Variants in CFAP43 observed in about 807,000 individuals in gnomAD.
CFAP43 encodes the protein cilia and flagella associated protein 43.
CFAP43 carries 155 observed loss-of-function variants against 218.9 expected under a neutral mutation model. That is an observed-to-expected ratio of 0.71 (90% CI 0.62 to 0.81). The LOEUF is 0.81. Among genes scored for constraint, CFAP43 ranks in the 30% least tolerant of loss-of-function variants. CFAP43 has a pLI of 0.00. For missense variants in CFAP43, 1,778 were observed against 1,954.3 expected, an observed-to-expected ratio of 0.91 and a Z score of 1.70; for synonymous variants, 645 against 681.3, an observed-to-expected ratio of 0.95 and a Z score of 0.83.
intron 4 of CFAP43, among the ~76,000 whole-genome samples, chr10:104,213,586 AGT>A (rs2134976159): frequency 6.6e-6 from 1 of 151,956 alleles, no homozygotes; most frequent in South Asian, 2.1e-4. Flanking sequence ...CCTAGGCTGG[AGT>A]GTAGTGGCAC....
intron 8 of CFAP43, among the ~76,000 whole-genome samples, chr10:104,202,816 T>A (rs2090570926): frequency 6.8e-6 from 1 of 147,616 alleles, no homozygotes; most frequent in Non-Finnish European, 1.5e-5. Context: ...TAAGTTAGCA[T>A]AGTTTTTTTT....
intron 5 of CFAP43, among the ~76,000 whole-genome samples, chr10:104,210,783 CTTTTTTTTT>C (rs68153454): frequency 2.7e-5 from 2 of 75,460 alleles, no homozygotes; most frequent in African/African-American, 5.8e-5. Context: ...GTGAAACACT[CTTTTTTTTT>C]TTTTTTTTTT....
chr10:104,210,578 A>T (rs2134968310), intron 5 of CFAP43, among the ~76,000 whole-genome samples: 1 of 152,058 alleles, frequency 6.6e-6, no homozygotes, highest in African/African-American at 2.4e-5. Context: ...GAGGGCCAAA[A>T]AAGTGGAGCT....
chr10:104,187,830 T>C (rs1347388590), intron 13 of CFAP43, among the ~76,000 whole-genome samples: 2 of 152,252 alleles, frequency 1.3e-5, no homozygotes, highest in Non-Finnish European at 2.9e-5. Flanking sequence ...TCTATAATTA[T>C]ATATTTGCAA....
At position 104,164,121 on chromosome 10, in the gene CFAP43, C is replaced by T; in HGVS notation, c.3219G>A (p.Glu1073=). Residue 1073 remains glutamate (E), a synonymous_variant, in exon 24 of 38, where the codon GAG becomes GAA. Transcript: ENST00000357060. The part of the protein sequence containing the change: ...QPEFEDCEKP[E]RTLVVQDEEI... ...CCTCATCTTGCACAACAAGCGTTCT[C>T]TCTGGCTTCTCACAGTCTTCAAATT... is the stretch of plus-strand genomic sequence containing the variant. 6.2e-7 allele frequency: 1 copy of T among 1,614,210 alleles called. No homozygotes were observed. Among genetic ancestry groups the T allele is most frequent in the Non-Finnish European group, 8.5e-7 (1 of 1,180,034 alleles).
chr10:104,147,642 A>G (rs574574184), intron 29 of CFAP43, among the ~76,000 whole-genome samples: 6 of 152,344 alleles, frequency 3.9e-5, no homozygotes, highest in Non-Finnish European at 8.8e-5. Flanking sequence ...ACCATGTCAT[A>G]TGAAAGCTAC....
intron 16 of CFAP43, among the ~76,000 whole-genome samples, chr10:104,184,384 T>C (rs2089961017): frequency 6.6e-6 from 1 of 152,136 alleles, no homozygotes; most frequent in African/African-American, 2.4e-5. Flanking sequence ...TTTAAAGTTA[T>C]CTGAGGGTCA....
intron 10 of CFAP43, 141 bp from the exon 11 acceptor site, chr10:104,194,155 C>A: frequency 1.1e-6 from 1 of 874,916 alleles, no homozygotes; most frequent in East Asian, 2.5e-5. Context: ...TCAAATTATA[C>A]CCTCAACGTT....
chr10:104,182,458 T>G lies in CFAP43; in HGVS notation c.2197A>C (p.Ile733Leu), dbSNP rs770451538. The G allele has an allele frequency of 1.6e-5, 26 of 1,612,406 alleles. No individual in the cohort carries two copies. Among genetic ancestry groups the G allele is most frequent in the Middle Eastern group, 1.6e-4 (1 of 6,076 alleles). The change falls in exon 17 of 38, where the codon ATT becomes CTT. Residue 733 changes from isoleucine (I) to leucine (L), a missense_variant. Around this residue, in one of 3 missense-constraint regions of CFAP43, gnomAD observed 1,553 missense variants for 1,685.2 expected, o/e 0.92. Transcript: ENST00000357060. Reference protein sequence around the residue: ...EILDYYQKLLISLSSAMDKEN... With the variant: ...EILDYYQKLLLSLSSAMDKEN... ...TTGTCCATGGCGCTGCTCAGGGAAA[T>G]TAATAGTTTCTGGTAATAGTCCAGA...
Position 104,166,466 on chromosome 10 carries a change from GATAAAAAGAAAATTGACCCACTTTCA to G in CFAP43, c.3035_3039+21del. 1.3e-6 allele frequency: 2 copies of G among 1,579,266 alleles called. No individual in the cohort carries two copies. The highest frequency in any genetic ancestry group is 1.7e-6 in the Non-Finnish European group (2 of 1,156,494). Reference sequence around the variant, plus strand: ...AATGGGGAGTCTAGAGATTTTTCAGGATAAAAAGAAAATTGACCCACTTTCAATAATATAATTTGGTTGATTTTCTC... The same window carrying G: ...AATGGGGAGTCTAGAGATTTTTCAGGATAATATAATTTGGTTGATTTTCTC... On this transcript the variant is annotated splice_donor_variant and splice_donor_5th_base_variant and coding_sequence_variant and intron_variant, in exon 23 of 38. Coordinates refer to ENST00000357060, the MANE Select transcript of CFAP43 (RefSeq NM_025145.7). LOFTEE classifies it high-confidence loss of function.
intron 12 of CFAP43, among the ~76,000 whole-genome samples, chr10:104,191,794 G>C (rs1018585692): frequency 5.4e-5 from 8 of 148,570 alleles, no homozygotes; most frequent in South Asian, 2.1e-4. Context: ...GTGTGTGGGG[G>C]GGGGGAAACA....
At chr10:104,175,088 C>CAAA (rs141434447) in intron 19 of CFAP43, among the ~76,000 whole-genome samples, 74 of 142,988 alleles carry the variant, frequency 5.2e-4, no homozygotes, top group Non-Finnish European at 7.1e-4. Flanking sequence ...AACAAACAAA[C>CAAA]AAAAAAAAAC....
intron 34 of CFAP43, among the ~76,000 whole-genome samples, chr10:104,136,976 A>G (rs2087482864): frequency 6.6e-6 from 1 of 152,218 alleles, no homozygotes; most frequent in Non-Finnish European, 1.5e-5. Context: ...AACAATAACA[A>G]GTTTTGATAG....
intron 6 of CFAP43, among the ~76,000 whole-genome samples, chr10:104,206,791 G>T (rs146658549): frequency 3.7e-4 from 57 of 152,304 alleles, no homozygotes; most frequent in Admixed American, 1.4e-3. Flanking sequence ...GGCTCCTGTG[G>T]CCCAGGCCCA....
intron 3 of CFAP43, among the ~76,000 whole-genome samples, chr10:104,221,001 A>T (rs1215607641): frequency 6.9e-6 from 1 of 145,920 alleles, no homozygotes; most frequent in East Asian, 2.0e-4. Context: ...TTTGAGACGG[A>T]GTCTCGCTCT....
intron 34 of CFAP43, among the ~76,000 whole-genome samples, chr10:104,135,910 A>G (rs2087418416): frequency 6.6e-6 from 1 of 152,180 alleles, no homozygotes; most frequent in South Asian, 2.1e-4. Context: ...AACAATATTG[A>G]AAACAAAAAG....
rs1176093398 is a variant in CFAP43 at position 104,196,505 on chromosome 10, G to A, written c.1293+348C>T. On this transcript the variant is annotated intron_variant, in intron 10 of 37. Transcript: ENST00000357060. ...ACACAGCACAGAGGAAGTATTCTTT[G>A]GTGGAACCCCCATCAGCCTGGCTCC... 3.3e-5 allele frequency among the ~76,000 whole-genome samples: 5 copies of A among 152,216 alleles called. No individual in the cohort carries two copies. In the South Asian group the frequency reaches 6.2e-4, roughly 19 times the overall value.
chr10:104,131,286 T>G, intron 37 of CFAP43, 45 bp downstream of exon 37: 1 of 1,583,224 alleles, frequency 6.3e-7, no homozygotes, highest in Non-Finnish European at 8.5e-7. Flanking sequence ...ACTGATTACT[T>G]TTAAAGAAAC....
intron 8 of CFAP43, among the ~76,000 whole-genome samples, chr10:104,203,073 T>G (rs1210816706): frequency 2.0e-5 from 3 of 152,196 alleles, no homozygotes; most frequent in Non-Finnish European, 4.4e-5. Context: ...TCTTCTCTTA[T>G]AGAACACACA....
Sources: gnomAD v4.1 joint callset for allele counts (sites outside exome capture counted in the v4.1 genomes callset) on GRCh38, gnomAD v4.1.1 for gene constraint, gnomAD v4.1.1 regional missense constraint, MANE v1.5 for transcripts, NCBI Gene and HGNC (gene_info 2026-07-23, HGNC 2026-07-21) for gene names.